Variants in STRN observed in about 807,000 individuals in gnomAD.
The protein encoded by STRN is striatin.
In STRN, 53 loss-of-function variants were observed where a neutral mutation model predicts 96.3. The observed-to-expected ratio is 0.55, with a 90% CI of 0.44 to 0.69. The LOEUF (loss-of-function observed/expected upper bound fraction) is 0.69. Among genes scored for constraint, STRN ranks in the 30% least tolerant of loss-of-function variants. STRN has a pLI of 0.00. For missense variants in STRN, 987 were observed against 963.9 expected (o/e 1.02, Z -0.32); for synonymous variants, 428 against 355.9 (o/e 1.20, Z -2.28).
chr2:36,890,780 G>C (rs558018734), intron 7 of STRN, among the ~76,000 whole-genome samples: 1 of 152,042 alleles, frequency 6.6e-6, no homozygotes, highest in East Asian at 1.9e-4. Context: ...CACTGCGCCT[G>C]GCCCAGAAAA....
intron 9 of STRN, 137 bp downstream of exon 9, chr2:36,883,795 T>C: frequency 1.2e-6 from 1 of 855,766 alleles, no homozygotes. Flanking sequence ...GTAAGAAAGC[T>C]TGCATTTGGG....
intron 14 of STRN, among the ~76,000 whole-genome samples, chr2:36,856,422 G>A (rs752894759): frequency 1.4e-4 from 21 of 152,012 alleles, no homozygotes; most frequent in Non-Finnish European, 1.9e-4. Context: ...TAAATGAATA[G>A]ACAAATTATG....
chr2:36,842,068 C>G lies in STRN; in HGVS notation c.*7388G>C, dbSNP rs1429870134. On this transcript the variant is annotated 3_prime_UTR_variant, in exon 18 of 18. Coordinates refer to ENST00000263918, the MANE Select transcript of STRN (RefSeq NM_003162.4). The stretch of plus-strand genomic sequence containing the variant: ...TTGTTTATGCATGAAAAATTATTGT[C>G]TTGGTCCCATTTCCAAAGGGAAGTA... The G allele has an allele frequency of 1.3e-5, 2 of 152,196 alleles. No individual in the cohort carries two copies. The highest frequency in any genetic ancestry group is 2.9e-5 in the Non-Finnish European group (2 of 68,026). 9.4% of individuals were successfully genotyped at this position (152,196 alleles called of 1,614,324 possible).
intron 1 of STRN, among the ~76,000 whole-genome samples, chr2:36,955,048 A>C (rs746878825): frequency 6.6e-6 from 1 of 152,240 alleles, no homozygotes; most frequent in Non-Finnish European, 1.5e-5. Context: ...AAAACTTCAA[A>C]TAATCAGTGA....
chr2:36,851,031 G>A lies in STRN; in HGVS notation c.2055C>T (p.Asp685=), dbSNP rs1338489385. ...TGTTATCATAGAATTTGATGTGCCT[G>A]TCTTCATGAGCAGTGATGCTGATCG... ...TLPISITAHE[D]RHIKFYDNNT... is the part of the protein sequence containing the mutation. The change falls in exon 16 of 18, where the codon GAC becomes GAT. Residue 685 remains aspartate, a synonymous_variant. Coordinates refer to ENST00000263918, the MANE Select transcript of STRN (RefSeq NM_003162.4). The A allele has an allele frequency of 5.0e-6, 8 of 1,612,280 alleles. No homozygotes were observed. In the Middle Eastern group the frequency reaches 8.2e-4, roughly 166 times the overall value.
At chr2:36,956,076 T>C (rs1664880122) in intron 1 of STRN, among the ~76,000 whole-genome samples, 1 of 152,176 alleles carries the variant, frequency 6.6e-6, no homozygotes, top group East Asian at 1.9e-4. Context: ...GCATTTTGAA[T>C]TTGGGGTTTT....
At chr2:36,914,217 C>G (rs917856748) in intron 3 of STRN, among the ~76,000 whole-genome samples, 6 of 152,148 alleles carry the variant, frequency 3.9e-5, no homozygotes, top group Non-Finnish European at 8.8e-5. Context: ...TCTCAAACTC[C>G]TAGCCTTAAG....
intron 5 of STRN, among the ~76,000 whole-genome samples, chr2:36,902,006 T>C (rs1284492252): frequency 1.3e-5 from 2 of 152,180 alleles, no homozygotes; most frequent in African/African-American, 4.8e-5. Flanking sequence ...TAAATAAGAA[T>C]CTCTTTATTG....
At chr2:36,887,831 A>C (rs1250413874) in intron 7 of STRN, among the ~76,000 whole-genome samples, 1 of 152,246 alleles carries the variant, frequency 6.6e-6, no homozygotes, top group Non-Finnish European at 1.5e-5. Context: ...GAAAATTTAA[A>C]AACTATGTTA....
intron 1 of STRN, among the ~76,000 whole-genome samples, chr2:36,947,829 G>GT (rs567303870): frequency 8.0e-4 from 121 of 151,584 alleles, no homozygotes; most frequent in Non-Finnish European, 1.5e-3. Flanking sequence ...GAAAACTGAG[G>GT]TAAGTACTGA....
Position 36,849,595 on chromosome 2 carries a change from A to G in STRN, c.2204T>C (p.Leu735Pro), listed in dbSNP as rs1181373448. ...TTCTTGGATACACGTCTTACTTTCT[A>G]GATTCCATAAACGTATTGAACAGTC... The part of the protein sequence containing the change: ...SHDCSIRLWN[L>P]ESKTCIQEFT... The change falls in exon 18 of 18, where the codon CTA becomes CCA. Residue 735 changes from leucine (L) to proline (P), a missense_variant. Physicochemically the swap from Leu to Pro is moderately conservative, Grantham distance 98. Coordinates refer to ENST00000263918, the MANE Select transcript of STRN (RefSeq NM_003162.4). The G allele has an allele frequency of 6.2e-7, 1 of 1,614,180 alleles. No homozygotes were observed. Among genetic ancestry groups the G allele is most frequent in the Admixed American group, 1.7e-5 (1 of 60,030 alleles).
chr2:36,943,866 T>A (rs891411594), intron 1 of STRN, among the ~76,000 whole-genome samples: 1 of 152,040 alleles, frequency 6.6e-6, no homozygotes, highest in African/African-American at 2.4e-5. Flanking sequence ...CCTATAATCC[T>A]AGCACTTTAA....
intron 12 of STRN, among the ~76,000 whole-genome samples, chr2:36,866,944 G>T (rs751023784): frequency 2.0e-5 from 3 of 152,156 alleles, no homozygotes; most frequent in Non-Finnish European, 4.4e-5. Context: ...GTCGCTTAAA[G>T]ATAGAATACA....
chr2:36,926,475 T>C (rs1160049095), intron 1 of STRN, among the ~76,000 whole-genome samples: 4 of 152,198 alleles, frequency 2.6e-5, no homozygotes, highest in African/African-American at 7.2e-5. Flanking sequence ...GCAAGAACTT[T>C]ACATTTAAGG....
chr2:36,915,951 C>CAA (rs1670086129), intron 3 of STRN, 127 bp downstream of exon 3: 1 of 777,356 alleles, frequency 1.3e-6, no homozygotes, highest in African/African-American at 1.8e-5. Flanking sequence ...TGCCAAAAGA[C>CAA]AAGCAGGTCA....
At chr2:36,889,239 A>C (rs752514511) in intron 7 of STRN, among the ~76,000 whole-genome samples, 2 of 152,182 alleles carry the variant, frequency 1.3e-5, no homozygotes, top group Admixed American at 6.5e-5. Context: ...ATAAACAGAA[A>C]TCTGTTTTTA....
At chr2:36,872,464 C>A (rs1242377860) in intron 10 of STRN, among the ~76,000 whole-genome samples, 1 of 152,200 alleles carries the variant, frequency 6.6e-6, no homozygotes, top group South Asian at 2.1e-4. Context: ...ATTGGAGACC[C>A]TAAGACAGAA....
intron 3 of STRN, among the ~76,000 whole-genome samples, chr2:36,914,602 G>A (rs536911035): frequency 6.6e-6 from 1 of 152,134 alleles, no homozygotes; most frequent in East Asian, 1.9e-4. Flanking sequence ...ATTCAGCTGA[G>A]GAAATGCATT....
intron 1 of STRN, among the ~76,000 whole-genome samples, chr2:36,964,186 G>T (rs201583832): frequency 2.6e-5 from 2 of 75,890 alleles, no homozygotes; most frequent in Non-Finnish European, 5.6e-5. Context: ...GGGGCGGGGC[G>T]GGGGGAAGGA....
Sources: allele counts gnomAD v4.1 joint callset (sites outside exome capture counted in the v4.1 genomes callset), GRCh38; gene constraint gnomAD v4.1.1; transcripts MANE v1.5; gene names NCBI Gene and HGNC (gene_info 2026-07-23, HGNC 2026-07-21).